LRP1B: variants seen among roughly 807,000 people sequenced by gnomAD.
LRP1B encodes the protein low-density lipoprotein receptor-related protein 1B.
Under a neutral mutation model 556.6 loss-of-function variants are expected in LRP1B, and 217 were observed. That is an observed-to-expected ratio of 0.39 (90% CI 0.35 to 0.44). The LOEUF is 0.44. Among genes scored for constraint, LRP1B ranks in the 20% least tolerant of loss-of-function variants. The probability of loss-of-function intolerance (pLI) is 1.00; values close to 1 mark genes in which losing one functional copy is unlikely to be tolerated. For synonymous variants in LRP1B, 2,047 were observed against 1,865.8 expected (o/e 1.10, Z -2.50); for missense variants, 5,053 against 5,620.8 (o/e 0.90, Z 3.23).
At chr2:140,621,119 C>T (rs12613019) in intron 41 of LRP1B, among the ~76,000 whole-genome samples, 6,763 of 151,854 alleles carry the variant, frequency 0.045, 277 homozygotes, top group East Asian at 0.23. Context: ...TGGTGGCTCA[C>T]ATCTGGAATC....
chr2:141,260,564 A>T (rs905627657), intron 3 of LRP1B, among the ~76,000 whole-genome samples: 1 of 152,196 alleles, frequency 6.6e-6, no homozygotes, highest in Non-Finnish European at 1.5e-5. Context: ...TTTTGTTTAC[A>T]TAAATAGCTC....
At chr2:140,807,616 G>T (rs1332620384) in intron 32 of LRP1B, among the ~76,000 whole-genome samples, 1 of 150,898 alleles carries the variant, frequency 6.6e-6, no homozygotes, top group Non-Finnish European at 1.5e-5. Flanking sequence ...CTCACAAAGT[G>T]CTGGGATTAC....
chr2:141,774,345 T>C (rs748307750), intron 2 of LRP1B, among the ~76,000 whole-genome samples: 3 of 152,208 alleles, frequency 2.0e-5, no homozygotes, highest in East Asian at 1.9e-4. Context: ...AGAATCATGA[T>C]AGAAGGTGAA....
chr2:141,948,579 C>G (rs990318172), intron 1 of LRP1B, among the ~76,000 whole-genome samples: 27 of 151,750 alleles, frequency 1.8e-4, no homozygotes, highest in African/African-American at 6.5e-4. Context: ...AAAATAATTA[C>G]ATTTAAGAGA....
chr2:140,817,473 T>C (rs1156784255), intron 31 of LRP1B, among the ~76,000 whole-genome samples: 2 of 151,914 alleles, frequency 1.3e-5, no homozygotes, highest in Non-Finnish European at 2.9e-5. Context: ...TTTTCCTTTA[T>C]ATATTACTTT....
intron 1 of LRP1B, among the ~76,000 whole-genome samples, chr2:141,866,045 A>G (rs1243860436): frequency 2.0e-5 from 3 of 152,246 alleles, no homozygotes; most frequent in Non-Finnish European, 4.4e-5. Flanking sequence ...GCAGAGCTGG[A>G]GAATAGGGAT....
intron 1 of LRP1B, among the ~76,000 whole-genome samples, chr2:141,966,851 T>C (rs1701580137): frequency 6.6e-6 from 1 of 151,878 alleles, no homozygotes; most frequent in African/African-American, 2.4e-5. Context: ...TCAATTTGTA[T>C]GCCCCTCTAT....
At chr2:141,510,873 T>C (rs1447924460) in intron 2 of LRP1B, among the ~76,000 whole-genome samples, 1 of 79,628 alleles carries the variant, frequency 1.3e-5, no homozygotes, top group African/African-American at 5.2e-5. Flanking sequence ...ACCTTCCTTG[T>C]CTAAACACAC....
chr2:141,055,664 T>C (rs1487292804), intron 9 of LRP1B, among the ~76,000 whole-genome samples: 1 of 151,932 alleles, frequency 6.6e-6, no homozygotes, highest in Non-Finnish European at 1.5e-5. Flanking sequence ...AGGATTTCCT[T>C]TGAAATGATT....
At chr2:140,908,701 T>A (rs1449541747) in intron 21 of LRP1B, among the ~76,000 whole-genome samples, 1 of 152,144 alleles carries the variant, frequency 6.6e-6, no homozygotes, top group Non-Finnish European at 1.5e-5. Context: ...TTATAGAATT[T>A]TTTTATTGTT....
intron 2 of LRP1B, among the ~76,000 whole-genome samples, chr2:141,569,283 G>A (rs1173783979): frequency 6.6e-6 from 1 of 150,836 alleles, no homozygotes; most frequent in East Asian, 1.9e-4. Flanking sequence ...AAGAGATGGG[G>A]GTTAGGAAAA....
intron 30 of LRP1B, among the ~76,000 whole-genome samples, chr2:140,840,296 G>A (rs1242097284): frequency 6.6e-6 from 1 of 152,070 alleles, no homozygotes; most frequent in Non-Finnish European, 1.5e-5. Flanking sequence ...TTTCCTGTTA[G>A]TGAAGAAAAA....
intron 6 of LRP1B, among the ~76,000 whole-genome samples, chr2:141,223,595 C>A (rs1683127253): frequency 6.6e-6 from 1 of 152,090 alleles, no homozygotes; most frequent in South Asian, 2.1e-4. Context: ...AGAAAAAGAA[C>A]AAAGCTGGAG....
intron 20 of LRP1B, among the ~76,000 whole-genome samples, chr2:140,935,226 T>A (rs552440631): frequency 5.3e-5 from 8 of 152,064 alleles, no homozygotes; most frequent in Non-Finnish European, 1.2e-4. Context: ...GACAAAGAAT[T>A]TAAAACAACT....
intron 2 of LRP1B, among the ~76,000 whole-genome samples, chr2:141,534,581 G>C (rs1685001617): frequency 1.3e-5 from 2 of 152,022 alleles, no homozygotes; most frequent in South Asian, 2.1e-4. Flanking sequence ...TGTCTTTCCA[G>C]CTCAACACAC....
At chr2:141,723,698 G>T (rs1034946427) in intron 2 of LRP1B, among the ~76,000 whole-genome samples, 4 of 151,760 alleles carry the variant, frequency 2.6e-5, no homozygotes, top group African/African-American at 9.7e-5. Flanking sequence ...TGCAGAAAGA[G>T]ATATTGATAA....
intron 1 of LRP1B, among the ~76,000 whole-genome samples, chr2:141,952,342 T>C (rs1231460062): frequency 6.6e-6 from 1 of 152,270 alleles, no homozygotes; most frequent in African/African-American, 2.4e-5. Context: ...AGCAGCATGA[T>C]TTATAATCCT....
At chr2:140,245,316 C>T (rs771422641) in intron 87 of LRP1B, among the ~76,000 whole-genome samples, 2 of 151,494 alleles carry the variant, frequency 1.3e-5, no homozygotes, top group African/African-American at 4.8e-5. Flanking sequence ...CACTCTCTAA[C>T]GGGAACACCT....
chr2:140,962,634 C>G lies in LRP1B; in HGVS notation c.2888-10694G>C, dbSNP rs182133770. ...CAGGGTACAGAAGGTCCTGATTTCA[C>G]TCACCTCAGGCCTGCTCAAATTCTA... On this transcript the variant is annotated intron_variant, in intron 18 of 90. Coordinates refer to ENST00000389484, the MANE Select transcript of LRP1B (RefSeq NM_018557.3). Among the ~76,000 whole-genome samples, 17 of 152,260 alleles carry G rather than the reference C, an allele frequency of 1.1e-4. No individual in the cohort carries two copies. In the East Asian group the frequency reaches 3.1e-3, roughly 28 times the overall value.
Sources: allele counts gnomAD v4.1 joint callset (sites outside exome capture counted in the v4.1 genomes callset), GRCh38; gene constraint gnomAD v4.1.1; transcripts MANE v1.5; gene names NCBI Gene and HGNC (gene_info 2026-07-23, HGNC 2026-07-21).